ACSF3: variants seen among roughly 807,000 people sequenced by gnomAD.
ACSF3 encodes the protein acyl-CoA synthetase family member 3.
ACSF3 carries 78 observed loss-of-function variants against 53.2 expected under a neutral mutation model. The observed-to-expected ratio is 1.47, with a 90% CI of 1.22 to 1.77. ACSF3 has a LOEUF of 1.77. ACSF3 is among the 40% of genes most tolerant of loss of function. The pLI, the probability that ACSF3 is intolerant of heterozygous loss-of-function variation, is 0.00. For missense variants in ACSF3, 937 were observed against 771.1 expected (o/e 1.22, Z -2.55); for synonymous variants, 414 against 333.1 (o/e 1.24, Z -2.65).
At chr16:89,133,416 G>A (rs543676988) in intron 8 of ACSF3, among the ~76,000 whole-genome samples, 154 bp downstream of exon 8, 3 of 152,284 alleles carry the variant, frequency 2.0e-5, no homozygotes, top group African/African-American at 4.8e-5. Context: ...CCACTGTTAC[G>A]GCACTGCCTC....
chr16:89,115,725 G>A (rs1010559898), intron 6 of ACSF3, among the ~76,000 whole-genome samples: 3 of 152,240 alleles, frequency 2.0e-5, no homozygotes, highest in Non-Finnish European at 4.4e-5. Flanking sequence ...GCAATGGGTG[G>A]GAGGTCACGA....
intron 10 of ACSF3, chr16:89,148,111 T>G (rs562110689): frequency 3.4e-5 from 5 of 148,822 alleles, no homozygotes; most frequent in African/African-American, 7.4e-5. Flanking sequence ...GTTTTTTTTT[T>G]TTTTTTTTTT....
chr16:89,129,917 A>G (rs781404979), intron 7 of ACSF3, among the ~76,000 whole-genome samples: 2 of 152,218 alleles, frequency 1.3e-5, no homozygotes, highest in African/African-American at 2.4e-5. Context: ...CTCTGCCTTT[A>G]GAGTGTAGTC....
In ACSF3 at chr16:89,112,376, C is replaced by T. The variant is rs1025762721; in HGVS notation, c.977+130C>T. 6.7e-6 allele frequency: 8 copies of T among 1,187,582 alleles called. No individual in the cohort carries two copies. In the African/African-American group the frequency reaches 1.1e-4, roughly 16 times the overall value. The allele number at this position is 1,187,582 out of a possible 1,614,324, so 73.6% of individuals were successfully genotyped here. A position where few individuals can be genotyped will look rare whatever the true frequency, so the allele number is the denominator to read the frequency against. ...TCCATTTCCTTTCAATGTTCCCTCTCTCTCTACCCGTCTCCGTCTCTACCT... is the reference window on the plus strand; with the variant it reads ...TCCATTTCCTTTCAATGTTCCCTCTTTCTCTACCCGTCTCCGTCTCTACCT... On this transcript the variant is annotated intron_variant, in intron 5 of 10. Transcript: ENST00000614302.
In ACSF3 at chr16:89,100,643, G is replaced by A. The variant is rs758439131; in HGVS notation, c.-20-19G>A. The A allele has an allele frequency of 1.3e-5, 7 of 548,444 alleles. No homozygotes were observed. The highest frequency in any genetic ancestry group is 2.1e-5 in the Non-Finnish European group (7 of 340,540). The allele number at this position is 548,444 out of a possible 1,614,324, so 34.0% of individuals were successfully genotyped here. On this transcript the variant is annotated intron_variant, in intron 2 of 10. Coordinates refer to ENST00000614302, the MANE Select transcript of ACSF3 (RefSeq NM_001243279.3). The stretch of plus-strand genomic sequence containing the variant: ...TGGGACAGTTGGGCACTCACGTCCT[G>A]TGCCTTGCCTTTCTCCAGCTCGGCC...
At chr16:89,134,268 T>C (rs754644004) in intron 8 of ACSF3, among the ~76,000 whole-genome samples, 69 of 151,762 alleles carry the variant, frequency 4.5e-4, no homozygotes, top group Admixed American at 4.5e-3. Context: ...TCTTGGGCCA[T>C]GCGGTAAGTG....
intron 8 of ACSF3, chr16:89,140,950 C>A: frequency 1.5e-6 from 1 of 687,226 alleles, no homozygotes; most frequent in Non-Finnish European, 2.1e-6. Flanking sequence ...ACACATCAGG[C>A]CGAGGACATA....
chr16:89,108,667 C>G (rs1312075925), intron 4 of ACSF3, among the ~76,000 whole-genome samples: 1 of 152,126 alleles, frequency 6.6e-6, no homozygotes, highest in African/African-American at 2.4e-5. Flanking sequence ...CAGCTTCTTT[C>G]ACTTGCAGGA....
chr16:89,143,861 G>T (rs1427594055), intron 8 of ACSF3, among the ~76,000 whole-genome samples: 3 of 147,272 alleles, frequency 2.0e-5, no homozygotes, highest in Admixed American at 2.0e-4. Flanking sequence ...GCACGCCATG[G>T]GTCTCAAGGA....
chr16:89,134,884 T>C (rs1910097153), intron 8 of ACSF3, among the ~76,000 whole-genome samples: 1 of 152,186 alleles, frequency 6.6e-6, no homozygotes, highest in South Asian at 2.1e-4. Context: ...GTCTCTCAGA[T>C]GGACATTTGG....
chr16:89,151,768 A>G, intron 10 of ACSF3: 1 of 152,692 alleles, frequency 6.5e-6, no homozygotes, highest in Non-Finnish European at 1.5e-5. Context: ...CACCATGCAC[A>G]GCTAATTTTT....
chr16:89,139,699 TCTC>T (rs1366701425), intron 8 of ACSF3, among the ~76,000 whole-genome samples: 1 of 151,278 alleles, frequency 6.6e-6, no homozygotes, highest in East Asian at 2.0e-4. Flanking sequence ...TTCAAGCAAT[TCTC>T]CTGCTTCAGC....
At chr16:89,104,975 C>T (rs974991651) in intron 4 of ACSF3, among the ~76,000 whole-genome samples, 5 of 152,226 alleles carry the variant, frequency 3.3e-5, no homozygotes, top group Admixed American at 2.0e-4. Context: ...AGCACACTTG[C>T]GTGATTAGCC....
intron 1 of ACSF3, among the ~76,000 whole-genome samples, chr16:89,096,169 C>T (rs1001008414): frequency 1.3e-5 from 2 of 152,166 alleles, no homozygotes; most frequent in Non-Finnish European, 2.9e-5. Context: ...GAGTCCTTGC[C>T]CAGCCACGTG....
Position 89,112,153 on chromosome 16 carries a change from C to T in ACSF3, c.884C>T (p.Thr295Ile), listed in dbSNP as rs1242402291. The T allele has an allele frequency of 1.7e-6, 2 of 1,171,316 alleles. No individual in the cohort carries two copies. Among genetic ancestry groups the T allele is most frequent in the South Asian group, 2.0e-5 (1 of 50,088 alleles). 72.6% of individuals were successfully genotyped at this position (1,171,316 alleles called of 1,614,324 possible). A position where few individuals can be genotyped will look rare whatever the true frequency, so the allele number is the denominator to read the frequency against. Residue 295 changes from threonine to isoleucine, a missense_variant, in exon 5 of 11, where the codon ACA becomes ATA. Coordinates refer to ENST00000614302, the MANE Select transcript of ACSF3 (RefSeq NM_001243279.3). The part of the protein sequence containing the change: ...PRINVFMAVP[T>I]IYTKLMEYYD... ...ATCAATGTCTTTATGGCAGTGCCTA[C>T]AATATACACCAAGCTGATGGAGTAC... is the stretch of plus-strand genomic sequence containing the variant.
chr16:89,151,609 A>G (rs1019302050), intron 10 of ACSF3: 1 of 147,884 alleles, frequency 6.8e-6, no homozygotes, highest in Non-Finnish European at 1.3e-5. Flanking sequence ...AATTCACCAT[A>G]TATTTTTTTT....
In ACSF3 at chr16:89,155,855, G is replaced by T; in HGVS notation, c.*1648G>T. The T allele has an allele frequency of 2.3e-6, 1 of 434,478 alleles. No homozygotes were observed. Among genetic ancestry groups the T allele is most frequent in the Non-Finnish European group, 4.6e-6 (1 of 217,576 alleles). The allele number at this position is 434,478 out of a possible 1,614,324, so 26.9% of individuals were successfully genotyped here. On this transcript the variant is annotated 3_prime_UTR_variant, in exon 11 of 11. Coordinates refer to ENST00000614302, the MANE Select transcript of ACSF3 (RefSeq NM_001243279.3). ...TTGCTTTATCCGATAGTATACATCA[G>T]TATATCATGCTTTCGAAATAATGAG...
In ACSF3 at chr16:89,155,775, C is replaced by T. The variant is rs893884982; in HGVS notation, c.*1568C>T. 3.1e-5 allele frequency: 14 copies of T among 447,944 alleles called. No homozygotes were observed. In the Admixed American group the frequency reaches 3.3e-4, roughly 11 times the overall value. 27.7% of individuals were successfully genotyped at this position (447,944 alleles called of 1,614,324 possible). A position where few individuals can be genotyped will look rare whatever the true frequency, so the allele number is the denominator to read the frequency against. On this transcript the variant is annotated 3_prime_UTR_variant, in exon 11 of 11. Transcript: ENST00000614302. ...CTTAATTCCACTAATTTTACATTTG[C>T]ATCTCTCTCCTTTAATCCTGAAACT...
At chr16:89,122,919 T>C (rs1046642306) in intron 7 of ACSF3, 2 of 152,296 alleles carry the variant, frequency 1.3e-5, no homozygotes, top group African/African-American at 4.8e-5. Context: ...CCTGAAGCAG[T>C]CTTGAAATAG....
Sources: gnomAD v4.1 joint callset for allele counts (sites outside exome capture counted in the v4.1 genomes callset) on GRCh38, gnomAD v4.1.1 for gene constraint, MANE v1.5 for transcripts, NCBI Gene and HGNC (gene_info 2026-07-23, HGNC 2026-07-21) for gene names.